The following EHMT1 variants were observed in gnomAD, a reference collection of about 807,000 sequenced individuals.
The protein encoded by EHMT1 is euchromatic histone lysine methyltransferase 1.
EHMT1 carries 15 observed loss-of-function variants against 147.2 expected under a neutral mutation model. The observed-to-expected ratio is 0.10, with a 90% CI of 0.07 to 0.16. The LOEUF is 0.16. Ranked by LOEUF, EHMT1 falls within the 10% of genes least tolerant of loss-of-function variation. The pLI is 1.00. For synonymous variants in EHMT1, 795 were observed against 709.6 expected (o/e 1.12, Z -1.91); for missense variants, 1,587 against 1,772.4 (o/e 0.90, Z 1.88).
chr9:137,677,535 C>G (rs1451473117), intron 1 of EHMT1, among the ~76,000 whole-genome samples: 2 of 152,006 alleles, frequency 1.3e-5, no homozygotes, highest in Admixed American at 6.6e-5. Flanking sequence ...ACGCCATTCT[C>G]CTGCCTCAGC....
chr9:137,738,529 T>A (rs1289389155), intron 4 of EHMT1: 1 of 152,118 alleles, frequency 6.6e-6, no homozygotes, highest in Non-Finnish European at 1.5e-5. Context: ...ATCCAGCAGT[T>A]CCACTGCTGG....
At chr9:137,637,231 A>AGTG (rs1265877661) in intron 1 of EHMT1, among the ~76,000 whole-genome samples, 3 of 151,994 alleles carry the variant, frequency 2.0e-5, no homozygotes, top group Non-Finnish European at 2.9e-5. Context: ...GCTGGAGTGC[A>AGTG]GTGGTGCAAT....
In EHMT1 at chr9:137,641,314, T is replaced by C. The variant is rs1444578384; in HGVS notation, c.21+22265T>C. On this transcript the variant is annotated intron_variant, in intron 1 of 26. Transcript: ENST00000460843. ...GGACTTTGAAGATGGATCATGACTC[T>C]CATTCAGATGAAATTCTTTGAGAGA... The C allele has an allele frequency of 8.6e-6, 4 of 466,094 alleles. No individual in the cohort carries two copies. In the East Asian group the frequency reaches 2.4e-4, roughly 27 times the overall value. 28.9% of individuals were successfully genotyped at this position (466,094 alleles called of 1,614,324 possible).
intron 1 of EHMT1, among the ~76,000 whole-genome samples, chr9:137,628,464 G>A (rs1207545062): frequency 1.3e-5 from 2 of 152,086 alleles, no homozygotes; most frequent in South Asian, 2.1e-4. Flanking sequence ...AAAACATTTT[G>A]TAGAGATGGA....
intron 2 of EHMT1, chr9:137,715,425 A>C: frequency 4.5e-6 from 2 of 444,848 alleles, no homozygotes; most frequent in Non-Finnish European, 3.0e-6. Context: ...CAGACAGGGC[A>C]TTTGCGCTCA....
chr9:137,754,035 C>A (rs1273022322), intron 7 of EHMT1, 136 bp from the exon 8 acceptor site: 1 of 1,455,172 alleles, frequency 6.9e-7, no homozygotes. Flanking sequence ...AAAATGTCTA[C>A]AAGTTAAGTT....
intron 2 of EHMT1, among the ~76,000 whole-genome samples, chr9:137,715,961 A>C (rs1945181463): frequency 6.6e-6 from 1 of 151,984 alleles, no homozygotes; most frequent in African/African-American, 2.4e-5. Flanking sequence ...TTTGCTATGA[A>C]ACAAAATAAT....
chr9:137,798,682 T>A, intron 16 of EHMT1, 131 bp from the exon 17 acceptor site: 1 of 797,040 alleles, frequency 1.3e-6, no homozygotes, highest in East Asian at 2.4e-5. Flanking sequence ...AGCCTGGGTT[T>A]CCTTGTCATT....
intron 16 of EHMT1, among the ~76,000 whole-genome samples, chr9:137,793,324 C>A (rs1952664470): frequency 6.6e-6 from 1 of 152,224 alleles, no homozygotes; most frequent in East Asian, 1.9e-4. Flanking sequence ...CCACAAGGGC[C>A]ATTTCCCACA....
intron 1 of EHMT1, among the ~76,000 whole-genome samples, chr9:137,675,509 G>T (rs930802274): frequency 6.6e-6 from 1 of 151,920 alleles, no homozygotes; most frequent in African/African-American, 2.4e-5. Flanking sequence ...TGTTGCCCAG[G>T]CTGGAGTGCA....
chr9:137,707,728 C>T (rs964795664), intron 1 of EHMT1, among the ~76,000 whole-genome samples: 3 of 152,142 alleles, frequency 2.0e-5, no homozygotes, highest in Admixed American at 2.0e-4. Context: ...GGATTTGTGG[C>T]TGGTGGTGGT....
chr9:137,693,337 A>G (rs1297701178), intron 1 of EHMT1, among the ~76,000 whole-genome samples: 1 of 152,146 alleles, frequency 6.6e-6, no homozygotes, highest in Non-Finnish European at 1.5e-5. Context: ...CTGATAATCA[A>G]TTCAGAACTT....
intron 1 of EHMT1, chr9:137,674,808 C>T (rs2501557): frequency 0.22 from 33,917 of 152,118 alleles, 4,998 homozygotes; most frequent in African/African-American, 0.41. Context: ...CCCAAAAGCT[C>T]GCTGCATAGT....
At position 137,803,147 on chromosome 9, in the gene EHMT1, C is replaced by A. The variant is rs1383685573; in HGVS notation, c.2712+2163C>A. 7.3e-6 allele frequency: 9 copies of A among 1,227,332 alleles called. No individual in the cohort carries two copies. The Admixed American group carries it at 3.0e-4, about 40-fold the overall frequency. The allele number at this position is 1,227,332 out of a possible 1,614,324, so 76.0% of individuals were successfully genotyped here. A position where few individuals can be genotyped will look rare whatever the true frequency, so the allele number is the denominator to read the frequency against. On this transcript the variant is annotated intron_variant, in intron 18 of 26. Transcript: ENST00000460843. ...GCTGTTAGCTCTCTGATGCTGGTGG[C>A]TGTTCCCCCAGAATGGAAGCATTGA... is the stretch of plus-strand genomic sequence containing the variant.
chr9:137,713,201 A>G (rs527877205), intron 2 of EHMT1, among the ~76,000 whole-genome samples: 57 of 151,478 alleles, frequency 3.8e-4, no homozygotes, highest in Non-Finnish European at 6.0e-4. Context: ...GGCTCAGGCA[A>G]TCCTACCACC....
At chr9:137,721,008 C>G (rs1436101145) in intron 3 of EHMT1, among the ~76,000 whole-genome samples, 1 of 136,570 alleles carries the variant, frequency 7.3e-6, no homozygotes, top group Non-Finnish European at 1.7e-5. Flanking sequence ...CTCCCCTCCT[C>G]GCCGGCGTCC....
intron 1 of EHMT1, among the ~76,000 whole-genome samples, chr9:137,691,852 G>A (rs1400350790): frequency 6.6e-6 from 1 of 152,064 alleles, no homozygotes; most frequent in Non-Finnish European, 1.5e-5. Context: ...CTTGGCTCCC[G>A]CCCACATGCG....
At chr9:137,664,624 C>G (rs1020718117) in intron 1 of EHMT1, among the ~76,000 whole-genome samples, 1 of 151,638 alleles carries the variant, frequency 6.6e-6, no homozygotes, top group African/African-American at 2.4e-5. Flanking sequence ...AAAATGGCGT[C>G]TTTGTTGCTT....
intron 25 of EHMT1, among the ~76,000 whole-genome samples, chr9:137,823,992 C>T (rs1320930451): frequency 1.3e-5 from 2 of 152,238 alleles, no homozygotes; most frequent in Non-Finnish European, 2.9e-5. Flanking sequence ...TCCTCACTTT[C>T]TTAACAGTGT....
Sources: gnomAD v4.1 joint callset for allele counts (sites outside exome capture counted in the v4.1 genomes callset) on GRCh38, gnomAD v4.1.1 for gene constraint, MANE v1.5 for transcripts, NCBI Gene and HGNC (gene_info 2026-07-23, HGNC 2026-07-21) for gene names.